The following PTPRA variants were observed in gnomAD, a reference collection of about 807,000 sequenced individuals.
The protein encoded by PTPRA is receptor-type tyrosine-protein phosphatase alpha.
Under a neutral mutation model 104.8 loss-of-function variants are expected in PTPRA, and 25 were observed. The ratio of observed to expected loss-of-function variants is 0.24; its 90% CI spans 0.17 to 0.33. The LOEUF is 0.33. Among genes scored for constraint, PTPRA ranks in the 10% least tolerant of loss-of-function variants. The pLI is 1.00. For synonymous variants in PTPRA, 323 were observed against 368.9 expected, an observed-to-expected ratio of 0.88 and a Z score of 1.43; for missense variants, 765 against 1,015.3, an observed-to-expected ratio of 0.75 and a Z score of 3.35.
At chr20:2,978,171 A>G in intron 6 of PTPRA, among the ~76,000 whole-genome samples, 1 of 152,118 alleles carries the variant, frequency 6.6e-6, no homozygotes, top group East Asian at 1.9e-4. Context: ...TCTCCTGAAG[A>G]TGATGGTGAG....
chr20:3,018,660 A>T (rs1329227229), intron 13 of PTPRA, among the ~76,000 whole-genome samples: 1 of 151,422 alleles, frequency 6.6e-6, no homozygotes, highest in Non-Finnish European at 1.5e-5. Flanking sequence ...CGATTTCTCA[A>T]TCTTTTCCCC....
intron 2 of PTPRA, among the ~76,000 whole-genome samples, chr20:2,935,782 A>C (rs2060678677): frequency 6.6e-6 from 1 of 152,328 alleles, no homozygotes; most frequent in South Asian, 2.1e-4. Context: ...TGGGAGGCCT[A>C]GGCGGGTGGA....
Position 3,037,884 on chromosome 20 carries a change from C to T in PTPRA, c.2335-175C>T, listed in dbSNP as rs962721004. Among the ~76,000 whole-genome samples the T allele has an allele frequency of 6.6e-6, 1 of 152,144 alleles. No homozygotes were observed. The highest frequency in any genetic ancestry group is 1.5e-5 in the Non-Finnish European group (1 of 68,028). On this transcript the variant is annotated intron_variant, in intron 23 of 23. Coordinates refer to ENST00000399903, the MANE Select transcript of PTPRA (RefSeq NM_001385305.1). This position sits in a 1 kb window ranked among gnomAD's most constrained non-coding sequence, Gnocchi z 4.3. ...TGTAGAAGGTCTGCTGCATTCAGCC[C>T]GGAAGGGGAATGCTGTCAGAACTCT... is the stretch of plus-strand genomic sequence containing the variant.
rs1307372229 is a variant in PTPRA at position 3,035,967 on chromosome 20, GGA to G, written c.2198+33_2198+34del. ...GTATGGCTCACCCTTGCCCTCAGCG[GGA>G]GAGAGAAAGCGAGGAGGGGCAGATA... On this transcript the variant is annotated intron_variant, in intron 22 of 23. Transcript: ENST00000399903. The surrounding 1 kb of genome is among the most constrained non-coding windows in gnomAD (Gnocchi z 5.8). 1 of 1,612,484 alleles carries G rather than the reference GGA, an allele frequency of 6.2e-7. No homozygotes were observed. The highest frequency in any genetic ancestry group is 2.2e-5 in the East Asian group (1 of 44,868).
At chr20:3,016,922 A>C (rs1484278817) in intron 12 of PTPRA, among the ~76,000 whole-genome samples, 2 of 152,168 alleles carry the variant, frequency 1.3e-5, no homozygotes, top group African/African-American at 4.8e-5. Flanking sequence ...ACGTGTACCC[A>C]CATATCCTCC....
chr20:3,015,523 C>G (rs978525910), intron 11 of PTPRA, among the ~76,000 whole-genome samples: 1 of 152,016 alleles, frequency 6.6e-6, no homozygotes, highest in African/African-American at 2.4e-5. Context: ...GCCCCATGCT[C>G]TCACACTCTT....
chr20:3,027,958 T>C (rs2065227369), intron 20 of PTPRA, 117 bp downstream of exon 20: 1 of 1,388,556 alleles, frequency 7.2e-7, no homozygotes, highest in Non-Finnish European at 9.9e-7. Context: ...ACTTATACGG[T>C]CCAAAGAGTA....
intron 6 of PTPRA, 119 bp from the exon 7 acceptor site, chr20:2,986,646 C>T (rs1324594886): frequency 1.2e-6 from 1 of 843,924 alleles, no homozygotes; most frequent in South Asian, 1.4e-5. Flanking sequence ...GTTTCCATTT[C>T]CTGGCATCTG....
At chr20:3,027,574 T>G (rs1568707095) in intron 19 of PTPRA, 133 bp from the exon 20 acceptor site, 1 of 1,245,478 alleles carries the variant, frequency 8.0e-7, no homozygotes, top group East Asian at 2.4e-5. Flanking sequence ...GTTTCGTCCT[T>G]GGCCACAGGG....
At chr20:2,905,393 T>G (rs2059387850) in intron 1 of PTPRA, among the ~76,000 whole-genome samples, 1 of 152,234 alleles carries the variant, frequency 6.6e-6, no homozygotes, top group Admixed American at 6.5e-5. Context: ...GGTTGGCTGC[T>G]CTCTAGCACA....
At chr20:2,882,847 T>A (rs931825476) in intron 1 of PTPRA, among the ~76,000 whole-genome samples, 1 of 152,204 alleles carries the variant, frequency 6.6e-6, no homozygotes, top group Non-Finnish European at 1.5e-5. Flanking sequence ...TTGTTAATTA[T>A]CTTGTGGTAG....
At chr20:2,864,710 G>A in the PTPRA span, 4 of 1,573,250 alleles carry the variant, frequency 2.5e-6, no homozygotes, top group East Asian at 2.2e-5. The surrounding 1 kb of genome is among the most constrained non-coding windows in gnomAD (Gnocchi z 5.2). Context: ...GGGGCTGTTG[G>A]TCCGGTTCCT....
At chr20:3,029,638 G>C (rs2065335878) in intron 20 of PTPRA, among the ~76,000 whole-genome samples, 1 of 144,042 alleles carries the variant, frequency 6.9e-6, no homozygotes, top group Non-Finnish European at 1.5e-5. Context: ...CCAGGTTCTG[G>C]CAATTCTCCT....
Position 3,038,411 on chromosome 20 carries a change from A to ACAT in PTPRA, c.*280_*282dup, listed in dbSNP as rs1318167432. On this transcript the variant is annotated 3_prime_UTR_variant, in exon 24 of 24. Transcript: ENST00000399903. ...TGGGCTGGATTGTGCTTTGGTTAATACATCTTTCCCTAAAGAAGATAAACA... is the reference window on the plus strand; with the variant it reads ...TGGGCTGGATTGTGCTTTGGTTAATACATCATCTTTCCCTAAAGAAGATAAACA... 2.9e-6 allele frequency: 1 copy of ACAT among 347,868 alleles called. No homozygotes were observed. The highest frequency in any genetic ancestry group is 3.2e-5 in the South Asian group (1 of 31,130). The allele number at this position is 347,868 out of a possible 1,614,324, so 21.5% of individuals were successfully genotyped here. A position where few individuals can be genotyped will look rare whatever the true frequency, so the allele number is the denominator to read the frequency against.
chr20:2,950,194 A>G lies in PTPRA; in HGVS notation c.-7+2170A>G, dbSNP rs2061305326. ...ACTTGTGGTCAACCTCTTTAATTGT[A>G]AGAATATTCAGGTCTTTTGTTCTTC... is the stretch of plus-strand genomic sequence containing the variant. On this transcript the variant is annotated intron_variant, in intron 3 of 23. Transcript: ENST00000399903. This position sits in a 1 kb window ranked among gnomAD's most constrained non-coding sequence, Gnocchi z 4.0. Among the ~76,000 whole-genome samples the G allele has an allele frequency of 1.3e-5, 2 of 152,088 alleles. No homozygotes were observed. The highest frequency in any genetic ancestry group is 2.9e-5 in the Non-Finnish European group (2 of 68,010).
chr20:3,027,626 T>C, intron 19 of PTPRA, 81 bp from the exon 20 acceptor site: 33 of 1,531,702 alleles, frequency 2.2e-5, no homozygotes, highest in Non-Finnish European at 2.9e-5. Context: ...CAGTCCCCAT[T>C]CCCTTCTAGT....
intron 3 of PTPRA, among the ~76,000 whole-genome samples, chr20:2,948,795 G>C (rs756243755): frequency 1.7e-4 from 26 of 150,324 alleles, no homozygotes; most frequent in Admixed American, 4.6e-4. Flanking sequence ...ACTAAAAATA[G>C]AAAAAAATTA....
intron 9 of PTPRA, among the ~76,000 whole-genome samples, chr20:2,989,285 T>C (rs531382663): frequency 6.6e-6 from 1 of 152,002 alleles, no homozygotes; most frequent in East Asian, 1.9e-4. Flanking sequence ...ATACAAAAAT[T>C]AGCTGGGCGT....
intron 9 of PTPRA, among the ~76,000 whole-genome samples, chr20:2,999,685 A>G (rs986748682): frequency 2.0e-5 from 3 of 152,244 alleles, no homozygotes; most frequent in Non-Finnish European, 4.4e-5. Context: ...TGCTTGTCAC[A>G]TATCAAACAC....
Sources: allele counts gnomAD v4.1 joint callset (sites outside exome capture counted in the v4.1 genomes callset), GRCh38; gene constraint gnomAD v4.1.1; non-coding constraint Gnocchi (gnomAD v3.1); transcripts MANE v1.5; gene names NCBI Gene and HGNC (gene_info 2026-07-23, HGNC 2026-07-21).